USP34: variants seen among roughly 807,000 people sequenced by gnomAD.
The protein encoded by USP34 is ubiquitin specific peptidase 34, also known as ubiquitin carboxyl-terminal hydrolase 34.
In USP34, 70 loss-of-function variants were observed where a neutral mutation model predicts 460.3. The ratio of observed to expected loss-of-function variants is 0.15; its 90% CI spans 0.13 to 0.19. The LOEUF (loss-of-function observed/expected upper bound fraction) is 0.19. USP34 is among the 10% of genes least tolerant of loss of function. The pLI is 1.00. For missense variants in USP34, 3,985 were observed against 4,236.2 expected (o/e 0.94, Z 1.65); for synonymous variants, 1,647 against 1,405.3 (o/e 1.17, Z -3.85).
chr2:61,341,672 G>C (rs970123201), intron 16 of USP34, among the ~76,000 whole-genome samples: 1 of 151,452 alleles, frequency 6.6e-6, no homozygotes, highest in Non-Finnish European at 1.5e-5. Flanking sequence ...GCAGATGCTG[G>C]CACTATGCTT....
At chr2:61,456,102 T>C (rs1462362016) in intron 1 of USP34, among the ~76,000 whole-genome samples, 1 of 152,148 alleles carries the variant, frequency 6.6e-6, no homozygotes. Context: ...TTTATGTTTT[T>C]AAAAAAACAA....
chr2:61,339,600 G>A lies in USP34; in HGVS notation c.2582C>T (p.Thr861Ile), dbSNP rs1370549210. 6.4e-7 allele frequency: 1 copy of A among 1,572,598 alleles called. No individual in the cohort carries two copies. Among genetic ancestry groups the A allele is most frequent in the Non-Finnish European group, 8.6e-7 (1 of 1,166,230 alleles). Residue 861 changes from threonine to isoleucine, a missense_variant, in exon 17 of 80, where the codon ACT becomes ATT. Physicochemically the swap from Thr to Ile is moderately conservative, Grantham distance 89. Around this residue, in one of 14 missense-constraint regions of USP34, gnomAD observed 46 missense variants for 83.1 expected, o/e 0.55. Transcript: ENST00000398571. ...ATCTTGGACTATATCCCACAACAAA[G>A]TATTTCCTTTCTTGCAAACATTATC... ...NLDNVCKKGN[T>I]LLWDIVQDED...
chr2:61,288,610 T>C (rs768012723), intron 34 of USP34, 67 bp downstream of exon 34: 47 of 1,502,362 alleles, frequency 3.1e-5, no homozygotes, highest in Non-Finnish European at 4.1e-5. Flanking sequence ...TCTTAAGCAT[T>C]AGCATATTTC....
intron 5 of USP34, among the ~76,000 whole-genome samples, chr2:61,386,047 C>A (rs566750964): frequency 6.6e-6 from 1 of 151,812 alleles, no homozygotes; most frequent in African/African-American, 2.4e-5. Context: ...CTTGCTTTCC[C>A]AGAGAGCAAG....
intron 1 of USP34, among the ~76,000 whole-genome samples, chr2:61,429,333 G>A (rs778613950): frequency 3.9e-5 from 6 of 152,166 alleles, no homozygotes; most frequent in Non-Finnish European, 8.8e-5. Context: ...TGTAGTCCCA[G>A]CTACTTGGGA....
At chr2:61,339,020 C>T (rs1691510268) in intron 18 of USP34, among the ~76,000 whole-genome samples, 1 of 152,110 alleles carries the variant, frequency 6.6e-6, no homozygotes, top group Admixed American at 6.5e-5. Flanking sequence ...CTTTATGAGA[C>T]AGTTCAAGAA....
Position 61,319,927 on chromosome 2 carries a change from T to C in USP34, c.3014-600A>G, listed in dbSNP as rs1373702270. Among the ~76,000 whole-genome samples, 11 of 152,236 alleles carry C rather than the reference T, an allele frequency of 7.2e-5. 1 individual carries two copies. Among genetic ancestry groups the C allele is most frequent in the Admixed American group, 6.5e-4 (10 of 15,270 alleles). On this transcript the variant is annotated intron_variant, in intron 21 of 79. Coordinates refer to ENST00000398571, the MANE Select transcript of USP34 (RefSeq NM_014709.4). The stretch of plus-strand genomic sequence containing the variant: ...TAAACACTGGAATAAATGTGAGCTA[T>C]ATATACATTTAAGAAAGATTAATAC...
At chr2:61,333,785 G>A in intron 19 of USP34, 97 bp downstream of exon 19, 1 of 787,836 alleles carries the variant, frequency 1.3e-6, no homozygotes, top group Non-Finnish European at 1.8e-6. Context: ...AATTTTCCTG[G>A]TACAGAGTAA....
chr2:61,298,646 A>G (rs972361577), intron 29 of USP34, among the ~76,000 whole-genome samples: 6 of 150,794 alleles, frequency 4.0e-5, no homozygotes, highest in East Asian at 3.9e-4. Context: ...GCCTATTAAC[A>G]TAACAGCCCA....
chr2:61,301,188 GCATAT>G lies in USP34; in HGVS notation c.3919-33_3919-29del, dbSNP rs746809865. ...ATAAAAAACAGGAAAAAAAATTTAT[GCATAT>G]CAAGCTTTTAGTTTAATAAAACGGT... On this transcript the variant is annotated intron_variant, in intron 28 of 79. Coordinates refer to ENST00000398571, the MANE Select transcript of USP34 (RefSeq NM_014709.4). 4.1e-5 allele frequency: 64 copies of G among 1,571,138 alleles called. No individual in the cohort carries two copies. The South Asian group carries it at 7.4e-4, about 18-fold the overall frequency.
chr2:61,314,442 T>G lies in USP34; in HGVS notation c.3542+143A>C, dbSNP rs964358989. 5.2e-5 allele frequency: 35 copies of G among 678,828 alleles called. No homozygotes were observed. The African/African-American group carries it at 6.3e-4, about 12-fold the overall frequency. 42.1% of individuals were successfully genotyped at this position (678,828 alleles called of 1,614,324 possible). A position where few individuals can be genotyped will look rare whatever the true frequency, so the allele number is the denominator to read the frequency against. ...GGTATATATTCTTAATAAAAATTAC[T>G]TATGTTACTGATCCTTCACTTTGGT... On this transcript the variant is annotated intron_variant, in intron 25 of 79. Transcript: ENST00000398571.
chr2:61,255,565 G>A lies in USP34; in HGVS notation c.6221+819C>T, dbSNP rs115682915. Among the ~76,000 whole-genome samples the A allele has an allele frequency of 5.8e-3, 885 of 152,354 alleles. 11 individuals carry two copies. The highest frequency in any genetic ancestry group is 0.02 in the African/African-American group (839 of 41,584). The stretch of plus-strand genomic sequence containing the variant: ...ACAGCATCTATTGCAAAGAAATGCT[G>A]TGAGGATTAACTGGATTAAAGTTCT... On this transcript the variant is annotated intron_variant, in intron 48 of 79. Transcript: ENST00000398571.
At chr2:61,234,464 G>C (rs893833131) in intron 57 of USP34, among the ~76,000 whole-genome samples, 2 of 152,142 alleles carry the variant, frequency 1.3e-5, no homozygotes, top group Non-Finnish European at 2.9e-5. Context: ...GGCATAAACT[G>C]ATCTACTGAG....
intron 48 of USP34, among the ~76,000 whole-genome samples, chr2:61,255,739 G>T (rs968150683): frequency 3.9e-5 from 6 of 152,164 alleles, no homozygotes; most frequent in Admixed American, 2.6e-4. Context: ...GTACCATCCT[G>T]CTTAGGATAT....
At chr2:61,234,709 C>T (rs146305116) in intron 57 of USP34, among the ~76,000 whole-genome samples, 1 of 152,222 alleles carries the variant, frequency 6.6e-6, no homozygotes, top group East Asian at 1.9e-4. Flanking sequence ...GGTGTGATCT[C>T]AGCTCACTGC....
intron 3 of USP34, among the ~76,000 whole-genome samples, chr2:61,398,240 G>A (rs1006656708): frequency 6.6e-6 from 1 of 152,126 alleles, no homozygotes; most frequent in Middle Eastern, 3.4e-3. Flanking sequence ...GGTGGTGCGT[G>A]TCTGTTGTCC....
chr2:61,315,210 T>A (rs1485740475), intron 23 of USP34, among the ~76,000 whole-genome samples: 1 of 152,182 alleles, frequency 6.6e-6, no homozygotes, highest in Non-Finnish European at 1.5e-5. Flanking sequence ...TGTGACTACA[T>A]AGTACGAAAA....
At position 61,214,510 on chromosome 2, in the gene USP34, A is replaced by G. The variant is rs973733578; in HGVS notation, c.8232T>C (p.Ala2744=). ...LLSRAKLYVD[A]AVHGTTKLVP... is the part of the protein sequence containing the mutation. ...CTAGCTTTGTAGTGCCATGAACAGC[A>G]GCATCAACATAAAGTTTGGCTCTTG... The change falls in exon 68 of 80, where the codon GCT becomes GCC. Residue 2744 remains alanine, a synonymous_variant. Coordinates refer to ENST00000398571, the MANE Select transcript of USP34 (RefSeq NM_014709.4). 6.2e-7 allele frequency: 1 copy of G among 1,613,648 alleles called. No individual in the cohort carries two copies. Among genetic ancestry groups the G allele is most frequent in the Non-Finnish European group, 8.5e-7 (1 of 1,179,868 alleles).
intron 1 of USP34, among the ~76,000 whole-genome samples, chr2:61,467,480 G>A (rs180698154): frequency 1.5e-3 from 225 of 151,858 alleles, no homozygotes; most frequent in South Asian, 8.3e-3. Flanking sequence ...TACTAATTAC[G>A]TATTTTTCAG....
Sources: allele counts gnomAD v4.1 joint callset (sites outside exome capture counted in the v4.1 genomes callset), GRCh38; gene constraint gnomAD v4.1.1; regional missense constraint gnomAD v4.1.1; transcripts MANE v1.5; gene names NCBI Gene and HGNC (gene_info 2026-07-23, HGNC 2026-07-21).